The following PLCE1 variants were observed in gnomAD, a reference collection of about 807,000 sequenced individuals.
PLCE1 encodes phospholipase C epsilon 1.
Under a neutral mutation model 242.8 loss-of-function variants are expected in PLCE1, and 119 were observed. That is an observed-to-expected ratio of 0.49 (90% CI 0.42 to 0.57). The LOEUF is 0.57. Among genes scored for constraint, PLCE1 ranks in the 20% least tolerant of loss-of-function variants. The probability of loss-of-function intolerance (pLI) is 0.00; values close to 1 mark genes in which losing one functional copy is unlikely to be tolerated. For missense variants in PLCE1, 2,441 were observed against 2,788.8 expected, an observed-to-expected ratio of 0.88 and a Z score of 2.81; for synonymous variants, 945 against 1,017.4, an observed-to-expected ratio of 0.93 and a Z score of 1.35.
intron 3 of PLCE1, among the ~76,000 whole-genome samples, chr10:94,134,546 G>A (rs1349901985): frequency 6.6e-6 from 1 of 152,062 alleles, no homozygotes; most frequent in East Asian, 1.9e-4. Flanking sequence ...ATTCCACAAG[G>A]TATACATATT....
chr10:94,093,512 A>AT (rs1157711011), intron 2 of PLCE1, among the ~76,000 whole-genome samples: 4 of 152,246 alleles, frequency 2.6e-5, no homozygotes, highest in African/African-American at 9.6e-5. Context: ...GGGGAAAAGA[A>AT]TCCTGCAGCC....
chr10:94,086,634 G>A (rs529107056), intron 2 of PLCE1, among the ~76,000 whole-genome samples: 2 of 152,320 alleles, frequency 1.3e-5, no homozygotes, highest in African/African-American at 2.4e-5. Flanking sequence ...CCAGCACGGA[G>A]CACATGTTCA....
rs180978476 is a variant in PLCE1, at chr10:94,152,552, C to A, written c.1493-18628C>A. ...GCTTTGGAGTCACCTGCATGTGATT[C>A]AGAATTCTGTCCTCATTAGTTAACT... is the stretch of plus-strand genomic sequence containing the variant. On this transcript the variant is annotated intron_variant, in intron 3 of 32. Coordinates refer to ENST00000371380, the MANE Select transcript of PLCE1 (RefSeq NM_016341.4). Among the ~76,000 whole-genome samples, 69 of 152,280 alleles carry A rather than the reference C, an allele frequency of 4.5e-4. No homozygotes were observed. The East Asian group carries it at 0.012, about 26-fold the overall frequency.
In PLCE1 at chr10:94,322,028, G is replaced by A. The variant is rs767860128; in HGVS notation, c.6470G>A (p.Arg2157His). 2.9e-5 allele frequency: 46 copies of A among 1,613,972 alleles called. No individual in the cohort carries two copies. Among genetic ancestry groups the A allele is most frequent in the African/African-American group, 5.3e-5 (4 of 74,878 alleles). The change falls in exon 30 of 33, where the codon CGC becomes CAC. Residue 2157 changes from arginine to histidine, a missense_variant. By Grantham distance (29) the Arg-to-His change is conservative. Transcript: ENST00000371380. ...EQPRTVIKAPRVSTAQDVIQQ... is the reference protein window; with the variant it reads ...EQPRTVIKAPHVSTAQDVIQQ... ...CCTCGAACAGTCATCAAAGCACCCC[G>A]CGTCAGCACTGCACAGGATGTCATT...
At chr10:94,238,688 G>A (rs1207728307) in intron 7 of PLCE1, among the ~76,000 whole-genome samples, 1 of 152,112 alleles carries the variant, frequency 6.6e-6, no homozygotes, top group East Asian at 1.9e-4. Context: ...TAGAGGCATG[G>A]AGACCTAAGA....
intron 5 of PLCE1, among the ~76,000 whole-genome samples, chr10:94,233,812 G>A (rs1012334776): frequency 2.0e-5 from 3 of 152,058 alleles, no homozygotes; most frequent in Non-Finnish European, 4.4e-5. Context: ...GCCAGGCATA[G>A]TGGCGCGCGC....
chr10:94,200,551 A>G (rs943644106), intron 4 of PLCE1, among the ~76,000 whole-genome samples: 1 of 152,234 alleles, frequency 6.6e-6, no homozygotes, highest in African/African-American at 2.4e-5. Flanking sequence ...GAGAATAGAC[A>G]AATCTGTGCA....
intron 30 of PLCE1, among the ~76,000 whole-genome samples, chr10:94,323,488 C>T (rs946644462): frequency 2.6e-5 from 4 of 152,160 alleles, no homozygotes; most frequent in African/African-American, 9.7e-5. Context: ...ATGCCCCTAC[C>T]ATATCTGATT....
chr10:94,017,140 A>AG (rs978409713), intron 1 of PLCE1, among the ~76,000 whole-genome samples: 5 of 152,144 alleles, frequency 3.3e-5, no homozygotes, highest in Admixed American at 6.5e-5. Context: ...AATGGCCTGA[A>AG]GGCTGGGAGG....
chr10:94,192,103 T>G (rs2048686353), intron 4 of PLCE1, among the ~76,000 whole-genome samples: 1 of 152,242 alleles, frequency 6.6e-6, no homozygotes, highest in Non-Finnish European at 1.5e-5. Flanking sequence ...GAGGAATGAT[T>G]AAATCAAGCT....
At chr10:94,187,878 G>A (rs2048532860) in intron 4 of PLCE1, among the ~76,000 whole-genome samples, 1 of 152,152 alleles carries the variant, frequency 6.6e-6, no homozygotes, top group Non-Finnish European at 1.5e-5. Flanking sequence ...TGGAAAACAT[G>A]CCGGACTGGC....
Position 94,171,430 on chromosome 10 carries a change from G to A in PLCE1, c.1743G>A (p.Ala581=), listed in dbSNP as rs371526650. Residue 581 remains alanine (A), a synonymous_variant, in exon 4 of 33, where the codon GCG becomes GCA. Coordinates refer to ENST00000371380, the MANE Select transcript of PLCE1 (RefSeq NM_016341.4). ...SLPCLKASIS[A]SILTTQNGEH... ...CCTGCCTCAAAGCATCCATCTCAGC[G>A]TCGATTCTTACCACTCAGAATGGAG... 74 of 1,614,044 alleles carry A rather than the reference G, an allele frequency of 4.6e-5. No homozygotes were observed. Among genetic ancestry groups the A allele is most frequent in the Middle Eastern group, 3.3e-4 (2 of 6,084 alleles).
intron 4 of PLCE1, among the ~76,000 whole-genome samples, chr10:94,206,599 A>G (rs1165692362): frequency 6.6e-6 from 1 of 152,210 alleles, no homozygotes; most frequent in Non-Finnish European, 1.5e-5. Flanking sequence ...CCATACATCA[A>G]CCGTGGACAG....
chr10:94,091,262 G>T (rs1489807389), intron 2 of PLCE1, among the ~76,000 whole-genome samples: 2 of 152,072 alleles, frequency 1.3e-5, no homozygotes, highest in African/African-American at 4.8e-5. Flanking sequence ...TATTAAAATG[G>T]TAAGACATGT....
At chr10:94,256,103 T>C (rs1447329443) in intron 11 of PLCE1, among the ~76,000 whole-genome samples, 2 of 151,224 alleles carry the variant, frequency 1.3e-5, no homozygotes, top group East Asian at 3.9e-4. Context: ...GGAAGGAGGA[T>C]CACTTGAGCC....
intron 1 of PLCE1, among the ~76,000 whole-genome samples, chr10:93,994,796 G>A (rs941661062): frequency 9.8e-5 from 15 of 152,304 alleles, no homozygotes; most frequent in African/African-American, 2.6e-4. Flanking sequence ...ATTTGTGGAA[G>A]CTTTCGCCCC....
chr10:94,186,061 C>A (rs907902326), intron 4 of PLCE1, among the ~76,000 whole-genome samples: 3 of 152,320 alleles, frequency 2.0e-5, no homozygotes, highest in Admixed American at 2.0e-4. Flanking sequence ...TTTCTCCTTA[C>A]AAATTCCACT....
chr10:94,262,862 T>G lies in PLCE1; in HGVS notation c.4053+130T>G, dbSNP rs549599206. 572 of 273,416 alleles carry G rather than the reference T, an allele frequency of 2.1e-3. 1 individual carries two copies. In the African/African-American group the frequency reaches 0.025, roughly 12 times the overall value. The allele number at this position is 273,416 out of a possible 1,614,324, so 16.9% of individuals were successfully genotyped here. On this transcript the variant is annotated intron_variant, in intron 14 of 32. Transcript: ENST00000371380. Reference sequence around the variant, plus strand: ...AATCTGGGACAGATATACAGTTTTGTTTTTTTTTTTGTTTTTTTGGGTGTT... The same window carrying G: ...AATCTGGGACAGATATACAGTTTTGGTTTTTTTTTTGTTTTTTTGGGTGTT...
Position 94,227,563 on chromosome 10 carries a change from T to G in PLCE1, c.1955+112T>G, listed in dbSNP as rs527815269. On this transcript the variant is annotated intron_variant, in intron 5 of 32. Coordinates refer to ENST00000371380, the MANE Select transcript of PLCE1 (RefSeq NM_016341.4). Reference sequence around the variant, plus strand: ...TTTACCCAAGCCAGGTAACTGGAAATGATTAACTTGGGAAATGTATTATCT... The same window carrying G: ...TTTACCCAAGCCAGGTAACTGGAAAGGATTAACTTGGGAAATGTATTATCT... The G allele has an allele frequency of 4.1e-6, 4 of 972,486 alleles. No individual in the cohort carries two copies. In the South Asian group the frequency reaches 5.2e-5, roughly 13 times the overall value. 60.2% of individuals were successfully genotyped at this position (972,486 alleles called of 1,614,324 possible).
Sources: gnomAD v4.1 joint callset for allele counts (sites outside exome capture counted in the v4.1 genomes callset) on GRCh38, gnomAD v4.1.1 for gene constraint, MANE v1.5 for transcripts, NCBI Gene and HGNC (gene_info 2026-07-23, HGNC 2026-07-21) for gene names.